STK33: variants seen among roughly 807,000 people sequenced by gnomAD.
STK33 encodes serine/threonine-protein kinase 33.
Under a neutral mutation model 58.0 loss-of-function variants are expected in STK33, and 52 were observed. That is an observed-to-expected ratio of 0.90 (90% CI 0.72 to 1.13). The LOEUF is 1.13. Among genes scored for constraint, STK33 ranks in the 50% most tolerant of loss-of-function variants. The pLI, the probability that STK33 is intolerant of heterozygous loss-of-function variation, is 0.00. For missense variants in STK33, 630 were observed against 604.2 expected (o/e 1.04, Z -0.45); for synonymous variants, 215 against 200.1 (o/e 1.07, Z -0.63).
At chr11:8,376,348 C>T in the STK33 span, among the ~76,000 whole-genome samples, 2 of 152,110 alleles carry the variant, frequency 1.3e-5, no homozygotes, top group Non-Finnish European at 2.9e-5. Flanking sequence ...TTCACATGTG[C>T]ATGTTGGGTG....
chr11:8,364,976 A>G, the STK33 span, among the ~76,000 whole-genome samples: 12 of 116,392 alleles, frequency 1.0e-4, no homozygotes, highest in South Asian at 3.7e-3. Context: ...CAAAGCTGGG[A>G]GCCTCTGAGC....
At chr11:8,534,240 A>G (rs903665695) in intron 1 of STK33, among the ~76,000 whole-genome samples, 1 of 151,696 alleles carries the variant, frequency 6.6e-6, no homozygotes, top group Non-Finnish European at 1.5e-5. Flanking sequence ...GCACCACTGC[A>G]CTCCAGCCTG....
At chr11:8,399,146 C>A (rs1048561462) in intron 15 of STK33, among the ~76,000 whole-genome samples, 2 of 152,174 alleles carry the variant, frequency 1.3e-5, no homozygotes, top group Admixed American at 1.3e-4. Context: ...CTTTCCACCC[C>A]AAATCAACAG....
intron 1 of STK33, among the ~76,000 whole-genome samples, chr11:8,498,841 C>A (rs189449473): frequency 6.6e-6 from 1 of 152,174 alleles, no homozygotes; most frequent in African/African-American, 2.4e-5. Context: ...AAAGGATTCC[C>A]TATTTAATAA....
chr11:8,582,324 T>C (rs1028087763), intron 1 of STK33, among the ~76,000 whole-genome samples: 3 of 152,068 alleles, frequency 2.0e-5, no homozygotes, highest in Non-Finnish European at 2.9e-5. Context: ...ACAAAACAAA[T>C]AGGTATTGTA....
intron 8 of STK33, 66 bp from the exon 9 acceptor site, chr11:8,457,545 A>AT (rs1947023136): frequency 7.7e-7 from 1 of 1,293,472 alleles, no homozygotes; most frequent in African/African-American, 1.5e-5. Flanking sequence ...AAAATGTTAT[A>AT]TATCACATAT....
At chr11:8,533,243 C>T (rs1448297354) in intron 1 of STK33, 2 of 152,062 alleles carry the variant, frequency 1.3e-5, no homozygotes, top group African/African-American at 4.8e-5. Flanking sequence ...GCAGAAATTA[C>T]ATTTCAAGAT....
intron 6 of STK33, 38 bp from the exon 7 acceptor site, chr11:8,464,860 A>T: frequency 7.6e-7 from 1 of 1,315,472 alleles, no homozygotes; most frequent in African/African-American, 1.5e-5. Context: ...TCTCTATGCC[A>T]TTCATCAGCT....
intron 11 of STK33, among the ~76,000 whole-genome samples, chr11:8,441,453 G>T (rs1170809654): frequency 6.6e-6 from 1 of 152,002 alleles, no homozygotes; most frequent in Non-Finnish European, 1.5e-5. Flanking sequence ...CTAGGTTCAA[G>T]GTATCATCCC....
At chr11:8,357,325 C>T in the STK33 span, among the ~76,000 whole-genome samples, 1 of 152,266 alleles carries the variant, frequency 6.6e-6, no homozygotes, top group Non-Finnish European at 1.5e-5. Flanking sequence ...GCCCGCCCAG[C>T]AGCCCGCGGA....
At chr11:8,445,305 T>C (rs941690960) in intron 11 of STK33, among the ~76,000 whole-genome samples, 1 of 152,332 alleles carries the variant, frequency 6.6e-6, no homozygotes, top group South Asian at 2.1e-4. Context: ...TTTCTAGATA[T>C]ACAATCATGT....
intron 2 of STK33, among the ~76,000 whole-genome samples, chr11:8,479,807 C>A (rs1554962211): frequency 6.6e-6 from 1 of 152,068 alleles, no homozygotes; most frequent in Non-Finnish European, 1.5e-5. Context: ...CGCACCACTG[C>A]ACTCTAGCCT....
intron 14 of STK33, among the ~76,000 whole-genome samples, chr11:8,417,776 T>C (rs1045393759): frequency 4.6e-5 from 7 of 152,126 alleles, no homozygotes; most frequent in Non-Finnish European, 1.0e-4. Context: ...ACCTAATAGA[T>C]AGACAAAAAT....
intron 1 of STK33, among the ~76,000 whole-genome samples, chr11:8,557,259 G>GGGAAGGGAAGGGAAGGGAAGGGAA (rs1565358492): frequency 2.8e-5 from 1 of 35,836 alleles, no homozygotes; most frequent in Non-Finnish European, 5.4e-5. Context: ...GGGAAGGGAA[G>GGGAAGGGAAGGGAAGGGAAGGGAA]GGGAGGGGAG....
intron 11 of STK33, among the ~76,000 whole-genome samples, chr11:8,449,003 A>T (rs1326437902): frequency 6.6e-6 from 1 of 151,812 alleles, no homozygotes; most frequent in Non-Finnish European, 1.5e-5. Context: ...AAAAGAAGAC[A>T]TTTATGCAGC....
chr11:8,424,349 T>C (rs1942406622), intron 14 of STK33, among the ~76,000 whole-genome samples: 1 of 150,186 alleles, frequency 6.7e-6, no homozygotes, highest in African/African-American at 2.5e-5. Context: ...TAGTATTCCA[T>C]GGTGTATATG....
chr11:8,339,145 C>CA, the STK33 span, among the ~76,000 whole-genome samples: 42 of 151,790 alleles, frequency 2.8e-4, no homozygotes, highest in African/African-American at 7.0e-4. Flanking sequence ...TGTGGGAAGA[C>CA]AAAAAAAATT....
chr11:8,539,594 G>C (rs1352136330), intron 1 of STK33, among the ~76,000 whole-genome samples: 1 of 152,102 alleles, frequency 6.6e-6, no homozygotes, highest in Non-Finnish European at 1.5e-5. Context: ...ATAAATAAGA[G>C]TAAACAACCC....
chr11:8,377,025 C>T, the STK33 span, among the ~76,000 whole-genome samples: 1 of 152,182 alleles, frequency 6.6e-6, no homozygotes, highest in African/African-American at 2.4e-5. Context: ...CCTAGTATCA[C>T]CTCTCTCCTC....
Sources: allele counts gnomAD v4.1 joint callset (sites outside exome capture counted in the v4.1 genomes callset), GRCh38; gene constraint gnomAD v4.1.1; transcripts MANE v1.5; gene names NCBI Gene and HGNC (gene_info 2026-07-23, HGNC 2026-07-21).